RBFOX1: variants seen among roughly 807,000 people sequenced by gnomAD.
RBFOX1 encodes RNA binding fox-1 homolog 1.
Under a neutral mutation model 57.7 loss-of-function variants are expected in RBFOX1, and 8 were observed. That is an observed-to-expected ratio of 0.14 (90% CI 0.08 to 0.25). The LOEUF is 0.25. Ranked by LOEUF, RBFOX1 falls within the 10% of genes least tolerant of loss-of-function variation. RBFOX1 has a pLI of 1.00. For synonymous variants in RBFOX1, 326 were observed against 222.4 expected (o/e 1.47, Z -4.15); for missense variants, 611 against 548.5 (o/e 1.11, Z -1.14).
At chr16:6,131,129 C>G (rs187510498) in intron 1 of RBFOX1, among the ~76,000 whole-genome samples, 5 of 152,304 alleles carry the variant, frequency 3.3e-5, no homozygotes, top group Non-Finnish European at 7.4e-5. Context: ...GTTCAGAACA[C>G]TCATTCCTTT....
intron 4 of RBFOX1, among the ~76,000 whole-genome samples, chr16:7,439,259 G>T (rs980825528): frequency 6.6e-6 from 1 of 152,034 alleles, no homozygotes; most frequent in African/African-American, 2.4e-5. Flanking sequence ...TCATGCCCCA[G>T]TGGCTCTTCT....
intron 1 of RBFOX1, among the ~76,000 whole-genome samples, chr16:6,045,128 G>A (rs566460358): frequency 5.3e-5 from 8 of 152,204 alleles, no homozygotes; most frequent in Non-Finnish European, 8.8e-5. Flanking sequence ...TTTAATGAGC[G>A]TGCAAATCAC....
chr16:5,901,085 G>GT (rs1452211800), intron 4 of RBFOX1, among the ~76,000 whole-genome samples: 1 of 152,152 alleles, frequency 6.6e-6, no homozygotes, highest in Admixed American at 6.6e-5. Flanking sequence ...ACTCTGTGCT[G>GT]TGACTAGTGT....
At chr16:5,414,197 A>C (rs1040618933) in intron 1 of RBFOX1, among the ~76,000 whole-genome samples, 3 of 152,172 alleles carry the variant, frequency 2.0e-5, no homozygotes, top group African/African-American at 7.2e-5. Context: ...GATTGGCTAC[A>C]AGCTGAGGAA....
At chr16:7,106,205 G>C (rs112566452) in intron 4 of RBFOX1, among the ~76,000 whole-genome samples, 1 of 151,982 alleles carries the variant, frequency 6.6e-6, no homozygotes, top group Non-Finnish European at 1.5e-5. Context: ...TTTTGTTTTC[G>C]TGTGTCAGGT....
At chr16:6,585,476 C>A (rs747709504) in intron 2 of RBFOX1, among the ~76,000 whole-genome samples, 1 of 152,180 alleles carries the variant, frequency 6.6e-6, no homozygotes, top group African/African-American at 2.4e-5. Context: ...TCCCCCATGT[C>A]ACATTCAAAA....
intron 1 of RBFOX1, 108 bp from the exon 2 acceptor site, chr16:6,316,887 C>A (rs995986958): frequency 1.3e-6 from 1 of 767,314 alleles, no homozygotes. Context: ...ACAATATAGT[C>A]AGAACCTATT....
chr16:7,059,141 A>T (rs1416742222), intron 4 of RBFOX1, among the ~76,000 whole-genome samples: 2 of 152,186 alleles, frequency 1.3e-5, no homozygotes, highest in Non-Finnish European at 2.9e-5. Context: ...CAGATAATGA[A>T]ACTTCCCAAC....
At chr16:7,074,822 G>A (rs2058012160) in intron 4 of RBFOX1, among the ~76,000 whole-genome samples, 1 of 152,060 alleles carries the variant, frequency 6.6e-6, no homozygotes, top group Non-Finnish European at 1.5e-5. Context: ...TTTTCTTTTG[G>A]AAAAGAGATC....
At chr16:5,821,149 A>G (rs1342384204) in intron 3 of RBFOX1, among the ~76,000 whole-genome samples, 1 of 152,148 alleles carries the variant, frequency 6.6e-6, no homozygotes, top group African/African-American at 2.4e-5. Flanking sequence ...TCTCTGCTGC[A>G]GACTGCTGTC....
intron 2 of RBFOX1, among the ~76,000 whole-genome samples, chr16:6,416,296 C>G (rs1022101221): frequency 5.9e-5 from 9 of 152,152 alleles, no homozygotes; most frequent in African/African-American, 2.2e-4. Flanking sequence ...TTTTATTAAG[C>G]CGGTAAAATC....
intron 11 of RBFOX1, among the ~76,000 whole-genome samples, chr16:7,641,863 G>A (rs1326225721): frequency 6.6e-6 from 1 of 152,178 alleles, no homozygotes; most frequent in Non-Finnish European, 1.5e-5. Context: ...TGAGATTGTT[G>A]TGCAGCGTCC....
chr16:7,013,462 C>G (rs370826618), intron 3 of RBFOX1, among the ~76,000 whole-genome samples: 3 of 152,300 alleles, frequency 2.0e-5, no homozygotes, highest in African/African-American at 7.2e-5. Context: ...CTACTCGCAT[C>G]TAGCAGATGG....
intron 4 of RBFOX1, among the ~76,000 whole-genome samples, chr16:7,147,162 A>AT (rs1847152554): frequency 2.2e-5 from 3 of 138,142 alleles, no homozygotes; most frequent in African/African-American, 8.1e-5. Flanking sequence ...TTTTTTATTT[A>AT]TTTTTTATTT....
intron 1 of RBFOX1, among the ~76,000 whole-genome samples, chr16:6,077,627 A>G (rs1287872310): frequency 6.6e-6 from 1 of 152,146 alleles, no homozygotes; most frequent in African/African-American, 2.4e-5. Flanking sequence ...TCGGTAGGTC[A>G]AAAAGTGCCC....
intron 4 of RBFOX1, among the ~76,000 whole-genome samples, chr16:5,907,311 C>G (rs888030166): frequency 3.3e-5 from 5 of 152,184 alleles, no homozygotes; most frequent in Admixed American, 1.3e-4. Flanking sequence ...GGACCAGGAT[C>G]TTCTAGATTT....
chr16:7,304,040 C>T (rs897699946), intron 4 of RBFOX1, among the ~76,000 whole-genome samples: 1 of 151,896 alleles, frequency 6.6e-6, no homozygotes. Flanking sequence ...AAAAGCCAGA[C>T]GACCGCGCGA....
chr16:7,344,593 AATT>A (rs1568322004), intron 4 of RBFOX1, among the ~76,000 whole-genome samples: 2 of 151,608 alleles, frequency 1.3e-5, no homozygotes, highest in South Asian at 2.1e-4. Context: ...TGATAATAAT[AATT>A]ATTATTTCTA....
At chr16:7,192,723 C>T (rs562434618) in intron 4 of RBFOX1, among the ~76,000 whole-genome samples, 10 of 152,184 alleles carry the variant, frequency 6.6e-5, no homozygotes, top group African/African-American at 2.4e-4. Context: ...TTAGGAGTGA[C>T]TGGGTGAGAG....
Sources: allele counts gnomAD v4.1 joint callset (sites outside exome capture counted in the v4.1 genomes callset), GRCh38; gene constraint gnomAD v4.1.1; transcripts MANE v1.5; gene names NCBI Gene and HGNC (gene_info 2026-07-23, HGNC 2026-07-21).